The following LONP2 variants were observed in gnomAD, a reference collection of about 807,000 sequenced individuals.
LONP2 encodes lon peptidase 2, peroxisomal.
Under a neutral mutation model 85.6 loss-of-function variants are expected in LONP2, and 60 were observed. That is an observed-to-expected ratio of 0.70 (90% CI 0.57 to 0.87). The LOEUF is 0.87. Ranked by LOEUF, LONP2 falls within the 40% of genes least tolerant of loss-of-function variation. The pLI is 0.00. For synonymous variants in LONP2, 395 were observed against 389.7 expected, an observed-to-expected ratio of 1.01 and a Z score of -0.16; for missense variants, 860 against 1,063.5, an observed-to-expected ratio of 0.81 and a Z score of 2.66.
intron 6 of LONP2, among the ~76,000 whole-genome samples, chr16:48,268,977 C>G (rs1972047245): frequency 6.6e-6 from 1 of 152,148 alleles, no homozygotes; most frequent in Non-Finnish European, 1.5e-5. Context: ...CTTTCACTGC[C>G]AGCATGATCA....
chr16:48,331,549 C>T (rs1012683936), intron 11 of LONP2, among the ~76,000 whole-genome samples: 4 of 151,842 alleles, frequency 2.6e-5, no homozygotes, highest in East Asian at 1.9e-4. Context: ...TGCTCTTTGC[C>T]GTCTCCAAAG....
At chr16:48,300,596 C>T (rs1006779928) in intron 10 of LONP2, among the ~76,000 whole-genome samples, 10 of 152,294 alleles carry the variant, frequency 6.6e-5, no homozygotes, top group Admixed American at 1.3e-4. Flanking sequence ...AAGTATCTCT[C>T]TATTTTGAAC....
chr16:48,335,130 T>G (rs989060918), intron 12 of LONP2, among the ~76,000 whole-genome samples: 1 of 152,228 alleles, frequency 6.6e-6, no homozygotes, highest in Non-Finnish European at 1.5e-5. Flanking sequence ...TTAAGGACAA[T>G]GCCTCTGACT....
chr16:48,257,329 T>A (rs1209452796), intron 3 of LONP2, among the ~76,000 whole-genome samples: 4 of 152,050 alleles, frequency 2.6e-5, no homozygotes, highest in African/African-American at 9.7e-5. Flanking sequence ...TAAATAAATA[T>A]TTAATTTAAC....
At chr16:48,254,084 C>A (rs149024637) in intron 2 of LONP2, among the ~76,000 whole-genome samples, 6 of 152,224 alleles carry the variant, frequency 3.9e-5, no homozygotes, top group African/African-American at 1.4e-4. Context: ...TGTCTTGAAC[C>A]TTTTCTCTTC....
chr16:48,340,742 C>T (rs1442179079), intron 12 of LONP2, among the ~76,000 whole-genome samples: 1 of 150,996 alleles, frequency 6.6e-6, no homozygotes, highest in Non-Finnish European at 1.5e-5. Context: ...GGGCGGATCG[C>T]TTGAGTTCGA....
At chr16:48,258,824 CT>C in intron 4 of LONP2, 84 bp downstream of exon 4, 1 of 1,245,194 alleles carries the variant, frequency 8.0e-7, no homozygotes, top group Non-Finnish European at 1.1e-6. Context: ...AGTTTATTGT[CT>C]CCTACCACTC....
At chr16:48,259,828 T>A (rs913425969) in intron 4 of LONP2, among the ~76,000 whole-genome samples, 3 of 152,220 alleles carry the variant, frequency 2.0e-5, no homozygotes, top group African/African-American at 7.2e-5. Context: ...ATTACTCATT[T>A]TGTATAGAGA....
chr16:48,321,832 C>T (rs1017303412), intron 11 of LONP2, among the ~76,000 whole-genome samples: 7 of 152,190 alleles, frequency 4.6e-5, no homozygotes, highest in East Asian at 1.9e-4. Context: ...AGTAGCTCTG[C>T]GTGAGTCAGC....
intron 12 of LONP2, among the ~76,000 whole-genome samples, chr16:48,339,133 T>TA (rs1160650943): frequency 6.6e-6 from 1 of 152,110 alleles, no homozygotes; most frequent in Non-Finnish European, 1.5e-5. Context: ...AGAACAGCAT[T>TA]ATTTAGGGAT....
Position 48,336,368 on chromosome 16 carries a change from C to T in LONP2, c.1938+2010C>T, listed in dbSNP as rs756563096. On this transcript the variant is annotated intron_variant, in intron 12 of 14. Transcript: ENST00000285737. ...ACCAACATGAGTCTGCAGAAAGACT[C>T]CAGTAGCCATTTTGTCTTTTATAGA... 13 of 456,246 alleles carry T rather than the reference C, an allele frequency of 2.8e-5. 1 individual carries two copies. The highest frequency in any genetic ancestry group is 6.5e-4 in the Middle Eastern group (2 of 3,076). 28.3% of individuals were successfully genotyped at this position (456,246 alleles called of 1,614,324 possible). A position where few individuals can be genotyped will look rare whatever the true frequency, so the allele number is the denominator to read the frequency against.
chr16:48,297,462 A>C (rs1972697995), intron 9 of LONP2, among the ~76,000 whole-genome samples: 1 of 151,944 alleles, frequency 6.6e-6, no homozygotes, highest in African/African-American at 2.4e-5. Context: ...GGTGTGCACC[A>C]TCACACCTGG....
intron 11 of LONP2, among the ~76,000 whole-genome samples, chr16:48,324,393 ATGT>A (rs527243368): frequency 1.3e-5 from 2 of 152,280 alleles, no homozygotes; most frequent in East Asian, 3.9e-4. Flanking sequence ...CCCCTCTGCC[ATGT>A]TGTTATTTAT....
intron 11 of LONP2, among the ~76,000 whole-genome samples, chr16:48,311,753 A>G (rs1973035575): frequency 6.6e-6 from 1 of 152,104 alleles, no homozygotes; most frequent in Admixed American, 6.6e-5. Flanking sequence ...CTAAGTAGCT[A>G]CAAATTCAGG....
At chr16:48,331,909 G>A (rs1959468453) in intron 11 of LONP2, among the ~76,000 whole-genome samples, 1 of 152,242 alleles carries the variant, frequency 6.6e-6, no homozygotes, top group African/African-American at 2.4e-5. Context: ...GAGAGAGGTA[G>A]TGAGAGGTTT....
intron 8 of LONP2, among the ~76,000 whole-genome samples, chr16:48,283,517 A>G (rs1972374055): frequency 6.6e-6 from 1 of 152,200 alleles, no homozygotes; most frequent in Non-Finnish European, 1.5e-5. Context: ...GAATGATGCA[A>G]AATCTACTCT....
In LONP2 at chr16:48,362,618, A is replaced by G. The variant is rs1313894052; in HGVS notation, c.*755A>G. 3.0e-5 allele frequency: 18 copies of G among 603,278 alleles called. No individual in the cohort carries two copies. The highest frequency in any genetic ancestry group is 2.9e-6 in the Non-Finnish European group (1 of 340,822). 37.4% of individuals were successfully genotyped at this position (603,278 alleles called of 1,614,324 possible). On this transcript the variant is annotated 3_prime_UTR_variant, in exon 5 of 5. Transcript: ENST00000565867. This position sits in a 1 kb window ranked among gnomAD's most constrained non-coding sequence, Gnocchi z 4.2. ...TACACTGAATGTGCACTTTATTAGG[A>G]TCTGTACACTGGATAAGCTCTCTTT... is the stretch of plus-strand genomic sequence containing the variant.
chr16:48,256,678 A>G lies in LONP2; in HGVS notation c.537A>G (p.Pro179=). Residue 179 remains proline (P), a synonymous_variant, in exon 3 of 15, where the codon CCA becomes CCG. Coordinates refer to ENST00000285737, the MANE Select transcript of LONP2 (RefSeq NM_031490.5). ...AKLRRLLDSL[P]REALPDILTS... is the part of the protein sequence containing the mutation. Reference sequence around the variant, plus strand: ...TGAGACGTCTTTTAGATAGTCTTCCAAGGGAAGCTTTACCAGACATCTTGA... The same window carrying G: ...TGAGACGTCTTTTAGATAGTCTTCCGAGGGAAGCTTTACCAGACATCTTGA... 6.2e-7 allele frequency: 1 copy of G among 1,613,880 alleles called. No individual in the cohort carries two copies. Among genetic ancestry groups the G allele is most frequent in the Non-Finnish European group, 8.5e-7 (1 of 1,179,802 alleles).
At chr16:48,328,675 CAA>C (rs964534755) in intron 11 of LONP2, among the ~76,000 whole-genome samples, 42 of 67,612 alleles carry the variant, frequency 6.2e-4, no homozygotes, top group Middle Eastern at 8.3e-3. Context: ...GACTCCGTCT[CAA>C]AAAAAAAAAA....
Sources: gnomAD v4.1 joint callset for allele counts (sites outside exome capture counted in the v4.1 genomes callset) on GRCh38, gnomAD v4.1.1 for gene constraint, Gnocchi (gnomAD v3.1) non-coding constraint, MANE v1.5 for transcripts, NCBI Gene and HGNC (gene_info 2026-07-23, HGNC 2026-07-21) for gene names.